SGTA: variants seen among roughly 807,000 people sequenced by gnomAD.
SGTA encodes the protein small glutamine-rich tetratricopeptide repeat-containing protein alpha.
In SGTA, 22 loss-of-function variants were observed where a neutral mutation model predicts 44.3. That is an observed-to-expected ratio of 0.50 (90% CI 0.36 to 0.71). The LOEUF (loss-of-function observed/expected upper bound fraction) is 0.71. Ranked by LOEUF, SGTA falls within the 30% of genes least tolerant of loss-of-function variation. The pLI, the probability that SGTA is intolerant of heterozygous loss-of-function variation, is 0.00. For synonymous variants in SGTA, 174 were observed against 177.6 expected (o/e 0.98, Z 0.16); for missense variants, 341 against 435.9 (o/e 0.78, Z 1.94).
Position 2,767,246 on chromosome 19 carries a change from G to T in SGTA, c.208-26C>A, listed in dbSNP as rs564968509. 8 of 1,560,348 alleles carry T rather than the reference G, an allele frequency of 5.1e-6. No homozygotes were observed. The highest frequency in any genetic ancestry group is 2.3e-5 in the East Asian group (1 of 43,198). ...CTGGACCCGGAGGCAAAGGCGGCCC[G>T]CTGTCCTCTCCTCCCAACCTGGCAC... On this transcript the variant is annotated intron_variant, in intron 3 of 11. Transcript: ENST00000221566. The surrounding 1 kb of genome is among the most constrained non-coding windows in gnomAD (Gnocchi z 7.3).
At chr19:2,762,450 C>T (rs887455917) in intron 7 of SGTA, 56 bp downstream of exon 7, 35 of 1,596,748 alleles carry the variant, frequency 2.2e-5, no homozygotes, top group Non-Finnish European at 2.8e-5. Context: ...AGGACCTGTC[C>T]CCCACCCACA....
chr19:2,764,971 A>G (rs914204019), intron 5 of SGTA, among the ~76,000 whole-genome samples: 3 of 152,082 alleles, frequency 2.0e-5, no homozygotes, highest in Admixed American at 6.5e-5. Flanking sequence ...ATGGCCTCCC[A>G]GAGTGCTGGG....
rs573951890 is a variant in SGTA at position 2,770,296 on chromosome 19, G to A, written c.-23-1205C>T. 4.1e-4 allele frequency: 63 copies of A among 153,084 alleles called. No homozygotes were observed. The South Asian group carries it at 0.011, about 28-fold the overall frequency. The allele number at this position is 153,084 out of a possible 1,614,324, so 9.5% of individuals were successfully genotyped here. A position where few individuals can be genotyped will look rare whatever the true frequency, so the allele number is the denominator to read the frequency against. ...TCAGGAGAGGCTGTTCTGGAATCTG[G>A]AGCTGTAGTCTATGGACAGGTCTTT... is the stretch of plus-strand genomic sequence containing the variant. On this transcript the variant is annotated intron_variant, in intron 1 of 11. Transcript: ENST00000221566.
intron 1 of SGTA, among the ~76,000 whole-genome samples, chr19:2,781,614 A>G (rs550360359): frequency 6.6e-6 from 1 of 152,290 alleles, no homozygotes; most frequent in Admixed American, 6.5e-5. Flanking sequence ...CCCATTCCAC[A>G]GAAGAAAAAC....
In SGTA at chr19:2,765,746, A is replaced by G. The variant is rs1420121610; in HGVS notation, c.293-461T>C. Among the ~76,000 whole-genome samples the G allele has an allele frequency of 1.3e-5, 2 of 152,184 alleles. No individual in the cohort carries two copies. The highest frequency in any genetic ancestry group is 2.9e-5 in the Non-Finnish European group (2 of 68,026). ...GGCTTCTATCTGAGGCATGGGTCCCAGCTGGTAGGACGGTAAAAACCCCAG... is the reference window on the plus strand; with the variant it reads ...GGCTTCTATCTGAGGCATGGGTCCCGGCTGGTAGGACGGTAAAAACCCCAG... On this transcript the variant is annotated intron_variant, in intron 4 of 11. Transcript: ENST00000221566. This position sits in a 1 kb window ranked among gnomAD's most constrained non-coding sequence, Gnocchi z 5.5.
rs773595363 is a variant in SGTA at position 2,765,290 on chromosome 19, A to C, written c.293-5T>G. 8.7e-5 allele frequency: 140 copies of C among 1,608,854 alleles called. 1 individual carries two copies. The highest frequency in any genetic ancestry group is 3.8e-4 in the Admixed American group (23 of 59,908). ...CCACTTTCATCTGCTCGTTTCCTAC[A>C]GGGAGAGAGGAAAACACCGGCCCGG... On this transcript the variant is annotated splice_polypyrimidine_tract_variant and splice_region_variant and intron_variant, in intron 4 of 11. Transcript: ENST00000221566. The surrounding 1 kb of genome is among the most constrained non-coding windows in gnomAD (Gnocchi z 5.5).
Position 2,762,733 on chromosome 19 carries a change from C to T in SGTA, c.498-89G>A, listed in dbSNP as rs968869804. 2.7e-5 allele frequency: 41 copies of T among 1,506,790 alleles called. No individual in the cohort carries two copies. The African/African-American group carries it at 5.0e-4, about 18-fold the overall frequency. 93.3% of individuals were successfully genotyped at this position (1,506,790 alleles called of 1,614,324 possible). Reference sequence around the variant, plus strand: ...CCCTCGTCCCCGGCGGTCCTGGCAACCCCCAAACCACCTCGGATGGTGCCA... The same window carrying T: ...CCCTCGTCCCCGGCGGTCCTGGCAATCCCCAAACCACCTCGGATGGTGCCA... On this transcript the variant is annotated intron_variant, in intron 6 of 11. Coordinates refer to ENST00000221566, the MANE Select transcript of SGTA (RefSeq NM_003021.4).
At chr19:2,771,540 T>C (rs938103112) in intron 1 of SGTA, among the ~76,000 whole-genome samples, 1 of 150,120 alleles carries the variant, frequency 6.7e-6, no homozygotes, top group African/African-American at 2.5e-5. Context: ...AGTTTCCTCT[T>C]CTGTCCCCCA....
At chr19:2,769,738 C>T (rs1915246960) in intron 1 of SGTA, among the ~76,000 whole-genome samples, 1 of 151,634 alleles carries the variant, frequency 6.6e-6, no homozygotes, top group South Asian at 2.1e-4. Flanking sequence ...CATTCCACCT[C>T]AGACCCCCCT....
rs1451625265 is a variant in SGTA at position 2,761,843 on chromosome 19, G to A, written c.637-321C>T. Among the ~76,000 whole-genome samples the A allele has an allele frequency of 2.9e-5, 4 of 138,356 alleles. No homozygotes were observed. Among genetic ancestry groups the A allele is most frequent in the African/African-American group, 1.1e-4 (4 of 35,884 alleles). 90.8% of individuals were successfully genotyped at this position (138,356 alleles called of 152,430 possible). A position where few individuals can be genotyped will look rare whatever the true frequency, so the allele number is the denominator to read the frequency against. ...CCCGTGTTTATTCCCCGCACAGCGC[G>A]ACCGCCCGGGGACGGCACAGTCTAT... On this transcript the variant is annotated intron_variant, in intron 7 of 11. Transcript: ENST00000221566. The surrounding 1 kb of genome is among the most constrained non-coding windows in gnomAD (Gnocchi z 5.7).
chr19:2,770,580 CGCCGCT>C lies in SGTA; in HGVS notation c.-23-1495_-23-1490del, dbSNP rs749922225. Reference sequence around the variant, plus strand: ...GTGGAGAAGCAGCCGCCCCCGCCCCCGCCGCTGGAGCAGCCAAGTTCTGGGCTAGTC... The same window carrying C: ...GTGGAGAAGCAGCCGCCCCCGCCCCCGGAGCAGCCAAGTTCTGGGCTAGTC... On this transcript the variant is annotated intron_variant, in intron 1 of 11. Coordinates refer to ENST00000221566, the MANE Select transcript of SGTA (RefSeq NM_003021.4). The C allele has an allele frequency of 7.8e-4, 119 of 153,488 alleles. 1 individual carries two copies. The highest frequency in any genetic ancestry group is 1.3e-3 in the Admixed American group (20 of 15,308). The allele number at this position is 153,488 out of a possible 1,614,324, so 9.5% of individuals were successfully genotyped here. A position where few individuals can be genotyped will look rare whatever the true frequency, so the allele number is the denominator to read the frequency against.
At chr19:2,756,176 G>A (rs1165961327) in intron 11 of SGTA, among the ~76,000 whole-genome samples, 1 of 152,056 alleles carries the variant, frequency 6.6e-6, no homozygotes, top group African/African-American at 2.4e-5. Flanking sequence ...CTTTGTGTAT[G>A]AGGTTACGGT....
intron 1 of SGTA, among the ~76,000 whole-genome samples, chr19:2,771,881 C>T (rs774013791): frequency 1.3e-5 from 2 of 152,220 alleles, no homozygotes; most frequent in African/African-American, 2.4e-5. Flanking sequence ...GTTCCCTTGG[C>T]TGGGCCTCCC....
rs1366064555 is a variant in SGTA at position 2,757,004 on chromosome 19, G to A, written c.*6+333C>T. 4.6e-5 allele frequency among the ~76,000 whole-genome samples: 7 copies of A among 152,188 alleles called. No homozygotes were observed. The East Asian group carries it at 5.8e-4, about 13-fold the overall frequency. On this transcript the variant is annotated intron_variant, in intron 11 of 11. Transcript: ENST00000221566. ...GCAGAAACAAAGAGCTTCTGCAGGC[G>A]GCCTTAGGCAGGGGGGACCCCAGAC...
In SGTA at chr19:2,757,742, T is replaced by C; in HGVS notation, c.778A>G (p.Thr260Ala). ...TTCTGCGAGGGGCTGGTGCCGGGAG[T>C]TCCCAAGGGGTTGTTGCCACCCGAA... ...MISGGNNPLG[T>A]PGTSPSQNDL... Residue 260 changes from threonine (T) to alanine (A), a missense_variant, in exon 10 of 12, where the codon ACT becomes GCT. Coordinates refer to ENST00000221566, the MANE Select transcript of SGTA (RefSeq NM_003021.4). 1.2e-6 allele frequency: 2 copies of C among 1,604,424 alleles called. No individual in the cohort carries two copies. The highest frequency in any genetic ancestry group is 1.1e-5 in the South Asian group (1 of 89,010).
At chr19:2,769,145 C>T (rs1205024276) in intron 1 of SGTA, 54 bp from the exon 2 acceptor site, 3 of 1,079,716 alleles carry the variant, frequency 2.8e-6, no homozygotes, top group Non-Finnish European at 4.2e-6. Context: ...CCACTCCAGG[C>T]ACCCCAGGCC....
At chr19:2,766,295 AC>A (rs1915141420) in intron 4 of SGTA, among the ~76,000 whole-genome samples, 1 of 152,134 alleles carries the variant, frequency 6.6e-6, no homozygotes, top group Non-Finnish European at 1.5e-5. Flanking sequence ...TGATGTCTTC[AC>A]GGTGCATCTG....
intron 1 of SGTA, among the ~76,000 whole-genome samples, chr19:2,769,305 T>C (rs543317111): frequency 2.6e-5 from 4 of 152,258 alleles, no homozygotes; most frequent in African/African-American, 4.8e-5. Context: ...AGCCAGAAAG[T>C]GTGAGGCCAG....
intron 10 of SGTA, 34 bp downstream of exon 10, chr19:2,757,659 C>G (rs376853277): frequency 6.6e-7 from 1 of 1,506,248 alleles, no homozygotes; most frequent in African/African-American, 1.4e-5. Flanking sequence ...CCGCCGCCCA[C>G]GTCCTCCGTC....
Sources: allele counts gnomAD v4.1 joint callset (sites outside exome capture counted in the v4.1 genomes callset), GRCh38; gene constraint gnomAD v4.1.1; non-coding constraint Gnocchi (gnomAD v3.1); transcripts MANE v1.5; gene names NCBI Gene and HGNC (gene_info 2026-07-23, HGNC 2026-07-21).